MALRD1: variants seen among roughly 807,000 people sequenced by gnomAD.
The protein encoded by MALRD1 is MAM and LDL receptor class A domain containing 1.
In MALRD1, 247 loss-of-function variants were observed where a neutral mutation model predicts 242.1. The ratio of observed to expected loss-of-function variants is 1.02; its 90% confidence interval spans 0.92 to 1.13. The LOEUF is 1.13. MALRD1 is among the 50% of genes most tolerant of loss of function. MALRD1 has a pLI of 0.00. For synonymous variants in MALRD1, 995 were observed against 866.6 expected, an observed-to-expected ratio of 1.15 and a Z score of -2.60; for missense variants, 2,989 against 2,533.1, an observed-to-expected ratio of 1.18 and a Z score of -3.86.
chr10:19,174,415 T>C (rs1835135067), intron 13 of MALRD1, among the ~76,000 whole-genome samples: 1 of 152,156 alleles, frequency 6.6e-6, no homozygotes, highest in Admixed American at 6.5e-5. Flanking sequence ...GTAAATTTAA[T>C]GATCCTTGAG....
chr10:19,197,222 G>T (rs1249599017), intron 14 of MALRD1, among the ~76,000 whole-genome samples: 1 of 152,074 alleles, frequency 6.6e-6, no homozygotes, highest in Non-Finnish European at 1.5e-5. Context: ...TGTCCCCCCA[G>T]GTCCCTCCCT....
In MALRD1 at chr10:19,392,235, G is replaced by A. The variant is rs886454166; in HGVS notation, c.4845+2626G>A. Among the ~76,000 whole-genome samples, 4 of 152,206 alleles carry A rather than the reference G, an allele frequency of 2.6e-5. No individual in the cohort carries two copies. In the South Asian group the frequency reaches 8.3e-4, roughly 32 times the overall value. On this transcript the variant is annotated intron_variant, in intron 28 of 39. Coordinates refer to ENST00000454679, the MANE Select transcript of MALRD1 (RefSeq NM_001142308.3). ...ATGGGAGCCTTATTTTACTAAAGGG[G>A]TAGAGGAGTCACAGAAATAACTTTA... is the stretch of plus-strand genomic sequence containing the variant.
intron 7 of MALRD1, among the ~76,000 whole-genome samples, chr10:19,127,710 G>C (rs1022913839): frequency 1.3e-5 from 2 of 152,056 alleles, no homozygotes; most frequent in Non-Finnish European, 2.9e-5. Flanking sequence ...CATAGGTGAC[G>C]TTTAAAAGGA....
intron 36 of MALRD1, among the ~76,000 whole-genome samples, chr10:19,622,988 C>G (rs1032407617): frequency 6.6e-6 from 1 of 151,940 alleles, no homozygotes; most frequent in Non-Finnish European, 1.5e-5. Flanking sequence ...ATACCTCACA[C>G]TATATATACA....
chr10:19,702,876 CTG>C (rs1833688009), intron 38 of MALRD1, among the ~76,000 whole-genome samples: 1 of 152,162 alleles, frequency 6.6e-6, no homozygotes. Flanking sequence ...TACAAAGAAT[CTG>C]TGGCGTAAGA....
intron 1 of MALRD1, among the ~76,000 whole-genome samples, chr10:19,053,548 A>G (rs1405654073): frequency 6.6e-6 from 1 of 152,186 alleles, no homozygotes; most frequent in Non-Finnish European, 1.5e-5. Flanking sequence ...AAATGATGAA[A>G]TGTGGGTGTA....
chr10:19,586,822 A>C (rs1464865857), intron 33 of MALRD1, among the ~76,000 whole-genome samples: 1 of 152,142 alleles, frequency 6.6e-6, no homozygotes, highest in Non-Finnish European at 1.5e-5. Flanking sequence ...CCCCTCCCCC[A>C]GCCTCGCTGC....
At chr10:19,411,805 A>G (rs1469437221) in intron 28 of MALRD1, among the ~76,000 whole-genome samples, 1 of 152,198 alleles carries the variant, frequency 6.6e-6, no homozygotes, top group Non-Finnish European at 1.5e-5. Flanking sequence ...GGAGCTTGGT[A>G]AGAGAAAATT....
intron 35 of MALRD1, among the ~76,000 whole-genome samples, chr10:19,610,464 C>T (rs1838843952): frequency 6.6e-6 from 1 of 151,944 alleles, no homozygotes; most frequent in African/African-American, 2.4e-5. Flanking sequence ...CCTGCAGTCC[C>T]TGTGCCAGGA....
At chr10:19,470,841 T>C (rs759651539) in intron 29 of MALRD1, among the ~76,000 whole-genome samples, 2 of 151,920 alleles carry the variant, frequency 1.3e-5, no homozygotes, top group Non-Finnish European at 2.9e-5. Context: ...TTATCAGATA[T>C]ATGATTCACA....
intron 19 of MALRD1, among the ~76,000 whole-genome samples, chr10:19,264,069 A>G (rs1839870872): frequency 6.6e-6 from 1 of 152,170 alleles, no homozygotes; most frequent in East Asian, 1.9e-4. Context: ...ATACTTGTTA[A>G]AAGTTTTAAG....
chr10:19,599,436 T>C (rs983075005), intron 34 of MALRD1, among the ~76,000 whole-genome samples: 7 of 151,786 alleles, frequency 4.6e-5, no homozygotes, highest in Non-Finnish European at 7.4e-5. Context: ...CCCCTTTTCG[T>C]AAAAATATAA....
chr10:19,634,778 A>G (rs1840055757), intron 36 of MALRD1, among the ~76,000 whole-genome samples: 1 of 152,132 alleles, frequency 6.6e-6, no homozygotes, highest in South Asian at 2.1e-4. Context: ...CGCTATAAAA[A>G]CTTAGCAAGA....
At chr10:19,276,543 G>T (rs191369531) in intron 19 of MALRD1, among the ~76,000 whole-genome samples, 30 of 152,086 alleles carry the variant, frequency 2.0e-4, no homozygotes, top group African/African-American at 7.2e-4. Flanking sequence ...TCTCATTATA[G>T]ATTTATTTGA....
chr10:19,694,739 T>C (rs536153612), intron 38 of MALRD1, among the ~76,000 whole-genome samples: 1 of 152,332 alleles, frequency 6.6e-6, no homozygotes, highest in Non-Finnish European at 1.5e-5. Context: ...CCCAAAGGGA[T>C]ATAAATCATG....
intron 30 of MALRD1, among the ~76,000 whole-genome samples, chr10:19,491,870 T>C (rs1201385705): frequency 1.3e-5 from 2 of 150,158 alleles, no homozygotes; most frequent in Non-Finnish European, 2.9e-5. Context: ...CAGTAACAAG[T>C]CTATAGAAAA....
intron 38 of MALRD1, among the ~76,000 whole-genome samples, chr10:19,712,728 A>G (rs1202911502): frequency 6.6e-6 from 1 of 152,206 alleles, no homozygotes; most frequent in African/African-American, 2.4e-5. Flanking sequence ...TTTCCTTATG[A>G]TCAGAGAAGG....
chr10:19,565,412 A>G lies in MALRD1; in HGVS notation c.5479-2090A>G, dbSNP rs550563906. 5.1e-4 allele frequency among the ~76,000 whole-genome samples: 78 copies of G among 152,338 alleles called. No homozygotes were observed. The South Asian group carries it at 0.015, about 30-fold the overall frequency. On this transcript the variant is annotated intron_variant, in intron 32 of 39. Transcript: ENST00000454679. ...AACAAAGTGTTACAGTTACATTTTC[A>G]TGTAATTTGTAAACTAATTTTGCCA...
chr10:19,495,988 T>A (rs1837698761), intron 30 of MALRD1, among the ~76,000 whole-genome samples: 1 of 152,104 alleles, frequency 6.6e-6, no homozygotes, highest in Admixed American at 6.6e-5. Context: ...ACTGTAGATA[T>A]GGTAAAGGAT....
Sources: allele counts gnomAD v4.1 joint callset (sites outside exome capture counted in the v4.1 genomes callset), GRCh38; gene constraint gnomAD v4.1.1; transcripts MANE v1.5; gene names NCBI Gene and HGNC (gene_info 2026-07-23, HGNC 2026-07-21).